Variants in NOL4 observed in about 807,000 individuals in gnomAD.
NOL4 encodes nucleolar protein 4, also known as cancer/testis antigen 125.
In NOL4, 17 loss-of-function variants were observed where a neutral mutation model predicts 75.9. The observed-to-expected ratio is 0.22, with a 90% CI of 0.15 to 0.34. The LOEUF is 0.34. Ranked by LOEUF, NOL4 falls within the 10% of genes least tolerant of loss-of-function variation. The pLI, the probability that NOL4 is intolerant of heterozygous loss-of-function variation, is 1.00. For missense variants in NOL4, 614 were observed against 793.5 expected (o/e 0.77, Z 2.72); for synonymous variants, 292 against 289.9 (o/e 1.01, Z -0.07).
At chr18:33,926,683 C>A (rs1195123001) in intron 9 of NOL4, among the ~76,000 whole-genome samples, 1 of 151,006 alleles carries the variant, frequency 6.6e-6, no homozygotes, top group East Asian at 2.0e-4. Context: ...TCACTGCAAC[C>A]TCTCACTCCC....
At chr18:34,017,330 C>T (rs1007717052) in intron 6 of NOL4, among the ~76,000 whole-genome samples, 1 of 152,080 alleles carries the variant, frequency 6.6e-6, no homozygotes, top group Admixed American at 6.6e-5. Flanking sequence ...GCTACCTACT[C>T]CATTGCTGCA....
At chr18:33,865,736 T>G (rs1200792392) in intron 10 of NOL4, among the ~76,000 whole-genome samples, 1 of 152,142 alleles carries the variant, frequency 6.6e-6, no homozygotes, top group Non-Finnish European at 1.5e-5. Flanking sequence ...GTGGTAACTA[T>G]TTGTCTCTTC....
At chr18:34,110,629 A>G (rs2079543152) in intron 2 of NOL4, among the ~76,000 whole-genome samples, 1 of 152,198 alleles carries the variant, frequency 6.6e-6, no homozygotes, top group Admixed American at 6.5e-5. Context: ...AGAATAAGAC[A>G]AGGATGCCCA....
intron 6 of NOL4, among the ~76,000 whole-genome samples, chr18:33,996,772 G>A (rs1186978297): frequency 6.6e-6 from 1 of 151,814 alleles, no homozygotes; most frequent in Non-Finnish European, 1.5e-5. Context: ...AGTATTCCAT[G>A]GCATGTATGT....
chr18:33,898,518 G>T (rs543717801), intron 9 of NOL4, among the ~76,000 whole-genome samples: 3 of 152,140 alleles, frequency 2.0e-5, no homozygotes, highest in South Asian at 2.1e-4. Context: ...AGTGTTCCTT[G>T]TTCTAGTTAA....
intron 6 of NOL4, among the ~76,000 whole-genome samples, chr18:34,015,953 C>T (rs1484951961): frequency 1.3e-5 from 2 of 152,052 alleles, no homozygotes; most frequent in Non-Finnish European, 2.9e-5. Flanking sequence ...TATTGAGAAA[C>T]ATCTATGGAC....
At chr18:34,117,026 C>T (rs113438479) in intron 2 of NOL4, among the ~76,000 whole-genome samples, 21 of 152,126 alleles carry the variant, frequency 1.4e-4, no homozygotes, top group African/African-American at 4.6e-4. Flanking sequence ...TTAAGATTCT[C>T]GTTAATTACA....
intron 5 of NOL4, among the ~76,000 whole-genome samples, chr18:34,039,305 A>G (rs1600353820): frequency 6.6e-6 from 1 of 151,986 alleles, no homozygotes; most frequent in East Asian, 1.9e-4. Flanking sequence ...AATTCTTTTG[A>G]CAACCAGATC....
chr18:33,945,388 G>C (rs2068767682), intron 8 of NOL4, among the ~76,000 whole-genome samples: 1 of 151,700 alleles, frequency 6.6e-6, no homozygotes. Flanking sequence ...TTAACATGGA[G>C]AACGTAAGTA....
chr18:34,032,447 A>C (rs758114025), intron 5 of NOL4, among the ~76,000 whole-genome samples: 2 of 151,952 alleles, frequency 1.3e-5, no homozygotes, highest in Non-Finnish European at 2.9e-5. Context: ...TGGAGGCAAA[A>C]AGATTGCTTA....
intron 8 of NOL4, among the ~76,000 whole-genome samples, chr18:33,945,725 G>C (rs1370993629): frequency 6.6e-6 from 1 of 151,604 alleles, no homozygotes; most frequent in East Asian, 1.9e-4. Flanking sequence ...AAAATAAGTA[G>C]AATCAAAGAT....
At chr18:33,874,634 A>G (rs1421158037) in intron 10 of NOL4, among the ~76,000 whole-genome samples, 3 of 151,984 alleles carry the variant, frequency 2.0e-5, no homozygotes, top group Non-Finnish European at 4.4e-5. Flanking sequence ...GTCACTATAA[A>G]CTTAGCCAGG....
intron 5 of NOL4, among the ~76,000 whole-genome samples, chr18:34,062,390 C>G (rs533037443): frequency 6.6e-6 from 1 of 151,950 alleles, no homozygotes; most frequent in African/African-American, 2.4e-5. Flanking sequence ...AATGCTAGAT[C>G]TCATTTAGTA....
intron 9 of NOL4, among the ~76,000 whole-genome samples, chr18:33,918,131 C>T (rs1238538602): frequency 6.6e-6 from 1 of 152,144 alleles, no homozygotes; most frequent in Non-Finnish European, 1.5e-5. Flanking sequence ...TATTTCCCCT[C>T]AGGACTTGTC....
intron 9 of NOL4, among the ~76,000 whole-genome samples, chr18:33,921,418 C>T (rs930047921): frequency 6.6e-6 from 1 of 152,034 alleles, no homozygotes; most frequent in Non-Finnish European, 1.5e-5. Context: ...TGTGTCCCCA[C>T]AAAAAGTATG....
chr18:34,146,957 A>G (rs539558280), intron 1 of NOL4, among the ~76,000 whole-genome samples: 4 of 152,044 alleles, frequency 2.6e-5, no homozygotes, highest in African/African-American at 7.2e-5. Flanking sequence ...TTGGATTCCT[A>G]GGTATTTTAT....
intron 6 of NOL4, among the ~76,000 whole-genome samples, chr18:33,968,911 G>A (rs1317484937): frequency 6.6e-6 from 1 of 152,094 alleles, no homozygotes; most frequent in African/African-American, 2.4e-5. Flanking sequence ...ATATTCTATT[G>A]AAAGAATAGA....
intron 6 of NOL4, among the ~76,000 whole-genome samples, chr18:33,970,581 TTTAAAAA>T (rs1321400778): frequency 2.0e-5 from 3 of 152,202 alleles, no homozygotes; most frequent in African/African-American, 7.2e-5. Context: ...AGGCCTATAC[TTTAAAAA>T]TTAAAAGTTT....
chr18:34,169,851 T>C (rs2032840832), intron 1 of NOL4, among the ~76,000 whole-genome samples: 1 of 152,172 alleles, frequency 6.6e-6, no homozygotes, highest in Non-Finnish European at 1.5e-5. Flanking sequence ...ATAAGGAACT[T>C]CCTTATCAGA....
Sources: allele counts gnomAD v4.1 joint callset (sites outside exome capture counted in the v4.1 genomes callset), GRCh38; gene constraint gnomAD v4.1.1; transcripts MANE v1.5; gene names NCBI Gene and HGNC (gene_info 2026-07-23, HGNC 2026-07-21).